SLC38A10: variants seen among roughly 807,000 people sequenced by gnomAD.
SLC38A10 encodes Sodium-coupled neutral amino acid transporter 10.
SLC38A10 carries 53 observed loss-of-function variants against 81.0 expected under a neutral mutation model. That is an observed-to-expected ratio of 0.65 (90% CI 0.53 to 0.82). SLC38A10 has a LOEUF of 0.82. Ranked by LOEUF, SLC38A10 falls within the 40% of genes least tolerant of loss-of-function variation. SLC38A10 has a pLI of 0.00. For synonymous variants in SLC38A10, 665 were observed against 655.3 expected, an observed-to-expected ratio of 1.01 and a Z score of -0.23; for missense variants, 1,471 against 1,545.0, an observed-to-expected ratio of 0.95 and a Z score of 0.80.
intron 12 of SLC38A10, 123 bp downstream of exon 12, chr17:81,252,950 T>C (rs1206336905): frequency 1.1e-5 from 14 of 1,307,926 alleles, no homozygotes; most frequent in African/African-American, 1.5e-5. Flanking sequence ...GACCAGAACT[T>C]AGGCTGGGCT....
intron 10 of SLC38A10, among the ~76,000 whole-genome samples, chr17:81,266,600 C>T (rs1277674707): frequency 7.2e-6 from 1 of 138,922 alleles, no homozygotes; most frequent in South Asian, 2.2e-4. Context: ...GCCTGGGCGA[C>T]AGAGTGAGAC....
In SLC38A10 at chr17:81,283,394, T is replaced by C. The variant is rs934184878; in HGVS notation, c.357+15A>G. ...TCAGCATCTGAACAACCCAGAACCC[T>C]GAACACATCCTTACCTGAAACCCGA... On this transcript the variant is annotated intron_variant, in intron 4 of 15. Transcript: ENST00000374759. This position sits in a 1 kb window ranked among gnomAD's most constrained non-coding sequence, Gnocchi z 4.7. 9 of 1,608,754 alleles carry C rather than the reference T, an allele frequency of 5.6e-6. No individual in the cohort carries two copies. The highest frequency in any genetic ancestry group is 3.3e-4 in the Middle Eastern group (2 of 6,052).
intron 6 of SLC38A10, chr17:81,279,973 C>T (rs754291239): frequency 7.6e-5 from 25 of 329,892 alleles, no homozygotes; most frequent in African/African-American, 1.5e-4. Context: ...TGCCCACTAA[C>T]GCTACAGGGG....
chr17:81,275,962 G>C lies in SLC38A10; in HGVS notation c.912+7C>G. On this transcript the variant is annotated splice_region_variant and intron_variant, in intron 8 of 15. Transcript: ENST00000374759. ...TTACGATCCGGAGAGTGCCCCGAGG[G>C]TCTTACCTGCTGCTCACACAGCAGC... is the stretch of plus-strand genomic sequence containing the variant. The C allele has an allele frequency of 1.9e-6, 3 of 1,612,720 alleles. No individual in the cohort carries two copies. The highest frequency in any genetic ancestry group is 2.5e-6 in the Non-Finnish European group (3 of 1,179,454).
Position 81,253,037 on chromosome 17 carries a change from C to G in SLC38A10, c.1456+36G>C. ...CCTGCAAAGGAGGACCCGGGGCCGC[C>G]CTTCCCCATCCGCACCCCCAGCCAG... On this transcript the variant is annotated intron_variant, in intron 12 of 15. Coordinates refer to ENST00000374759, the MANE Select transcript of SLC38A10 (RefSeq NM_001037984.3). This position sits in a 1 kb window ranked among gnomAD's most constrained non-coding sequence, Gnocchi z 4.1. 1 of 1,602,868 alleles carries G rather than the reference C, an allele frequency of 6.2e-7. No individual in the cohort carries two copies. Among genetic ancestry groups the G allele is most frequent in the Non-Finnish European group, 8.5e-7 (1 of 1,175,556 alleles).
Position 81,289,035 on chromosome 17 carries a change from A to G in SLC38A10, c.217+656T>C, listed in dbSNP as rs868641001. The G allele has an allele frequency of 6.6e-6, 1 of 152,224 alleles. No homozygotes were observed. The highest frequency in any genetic ancestry group is 1.5e-5 in the Non-Finnish European group (1 of 68,062). The allele number at this position is 152,224 out of a possible 1,614,324, so 9.4% of individuals were successfully genotyped here. ...CACTCCAATTTTGAAGCATGTGATT[A>G]TAACAGGTTTTTCTTTTTTTTTCCA... On this transcript the variant is annotated intron_variant, in intron 2 of 15. Transcript: ENST00000374759. The surrounding 1 kb of genome is among the most constrained non-coding windows in gnomAD (Gnocchi z 5.9).
At chr17:81,255,726 T>C (rs1212957780) in intron 11 of SLC38A10, among the ~76,000 whole-genome samples, 4 of 152,216 alleles carry the variant, frequency 2.6e-5, no homozygotes, top group African/African-American at 9.6e-5. Context: ...CCAGGCATGA[T>C]GGCTCACTCC....
chr17:81,275,008 T>C (rs1463276969), intron 8 of SLC38A10, among the ~76,000 whole-genome samples: 1 of 152,142 alleles, frequency 6.6e-6, no homozygotes, highest in African/African-American at 2.4e-5. Flanking sequence ...TTGGTTCAAG[T>C]GATCCTCCTG....
At chr17:81,294,746 T>A in intron 1 of SLC38A10, 77 bp downstream of exon 1, 1 of 1,375,034 alleles carries the variant, frequency 7.3e-7, no homozygotes, top group African/African-American at 1.5e-5. Flanking sequence ...GGCGGGAACT[T>A]TAACCAGGAC....
Position 81,260,271 on chromosome 17 carries a change from C to G in SLC38A10, c.1255G>C (p.Gly419Arg). 1.2e-6 allele frequency: 2 copies of G among 1,605,764 alleles called. No individual in the cohort carries two copies. The highest frequency in any genetic ancestry group is 1.7e-6 in the Non-Finnish European group (2 of 1,177,234). The change falls in exon 11 of 16, where the codon GGT becomes CGT. Residue 419 changes from glycine to arginine, a missense_variant. Physicochemically the swap from Gly to Arg is moderately radical, Grantham distance 125. Transcript: ENST00000374759. Reference sequence around the variant, plus strand: ...CGCGCTGCCTCCACCTTCATCAAACCCTCGGCCTCTCCAAGCCGGCCGCCA... The same window carrying G: ...CGCGCTGCCTCCACCTTCATCAAACGCTCGGCCTCTCCAAGCCGGCCGCCA... ...APGGRLGEAE[G>R]LMKVEAARLS...
Position 81,276,198 on chromosome 17 carries a change from C to G in SLC38A10, c.730-47G>C. The G allele has an allele frequency of 6.6e-7, 1 of 1,523,130 alleles. No individual in the cohort carries two copies. Among genetic ancestry groups the G allele is most frequent in the East Asian group, 2.4e-5 (1 of 41,330 alleles). 94.4% of individuals were successfully genotyped at this position (1,523,130 alleles called of 1,614,324 possible). ...CAACGTGGCAGACAGACATCCTAGC[C>G]GAGTGGCACCTGTCACAGTGGGCAG... On this transcript the variant is annotated intron_variant, in intron 7 of 15. Coordinates refer to ENST00000374759, the MANE Select transcript of SLC38A10 (RefSeq NM_001037984.3). This position sits in a 1 kb window ranked among gnomAD's most constrained non-coding sequence, Gnocchi z 4.7.
intron 14 of SLC38A10, chr17:81,247,676 A>AC (rs1365839378): frequency 6.6e-6 from 1 of 151,556 alleles, no homozygotes; most frequent in Non-Finnish European, 1.5e-5. Flanking sequence ...AAACAAAAAA[A>AC]ACAAAAAAAT....
rs1378009645 is a variant in SLC38A10, at chr17:81,252,549, C to A, written c.1591G>T (p.Ala531Ser). 2 of 1,613,296 alleles carry A rather than the reference C, an allele frequency of 1.2e-6. No individual in the cohort carries two copies. Among genetic ancestry groups the A allele is most frequent in the Non-Finnish European group, 1.7e-6 (2 of 1,180,038 alleles). Reference sequence around the variant, plus strand: ...GCCATCTGGCCCTGGACCCCTGGAGCCTTTCCGCCCGCGTGTCTGGATGGA... The same window carrying A: ...GCCATCTGGCCCTGGACCCCTGGAGACTTTCCGCCCGCGTGTCTGGATGGA... Reference protein sequence around the residue: ...KPPSRHAGGKAPGVQGQMAPP... With the variant: ...KPPSRHAGGKSPGVQGQMAPP... The change falls in exon 13 of 16, where the codon GCT becomes TCT. Residue 531 changes from alanine to serine, a missense_variant. Physicochemically the swap from Ala to Ser is moderately conservative, Grantham distance 99. Coordinates refer to ENST00000374759, the MANE Select transcript of SLC38A10 (RefSeq NM_001037984.3).
intron 5 of SLC38A10, 61 bp downstream of exon 5, chr17:81,282,128 A>G: frequency 6.2e-7 from 1 of 1,602,158 alleles, no homozygotes; most frequent in Non-Finnish European, 8.5e-7. Context: ...TGCTGTGGCC[A>G]CAGGAAAGAA....
At chr17:81,263,346 C>T (rs2063040685) in intron 10 of SLC38A10, 1 of 152,452 alleles carries the variant, frequency 6.6e-6, no homozygotes, top group East Asian at 1.9e-4. Context: ...CCTGCTGCCA[C>T]CTCCTACCCC....
Position 81,246,542 on chromosome 17 carries a change from G to C in SLC38A10, c.2374C>G (p.Pro792Ala). ...TGGTTAAGGTCCTGGGATGGAGCAG[G>C]GCGGCCCCCAGGAGCTCTGAGGACA... is the stretch of plus-strand genomic sequence containing the variant. ...DPVLRAPGGRPAPSQDLNQRS... is the reference protein window; with the variant it reads ...DPVLRAPGGRAAPSQDLNQRS... Residue 792 changes from proline to alanine, a missense_variant, in exon 16 of 16, where the codon CCT becomes GCT. Pro to Ala is a conservative substitution (Grantham distance 27). This residue lies in a region of SLC38A10 where 751 missense variants were observed against 717.4 expected (regional missense o/e 1.05). Transcript: ENST00000374759. The C allele has an allele frequency of 2.0e-6, 3 of 1,519,498 alleles. No homozygotes were observed. Among genetic ancestry groups the C allele is most frequent in the South Asian group, 1.3e-5 (1 of 75,658 alleles). 94.1% of individuals were successfully genotyped at this position (1,519,498 alleles called of 1,614,324 possible). A position where few individuals can be genotyped will look rare whatever the true frequency, so the allele number is the denominator to read the frequency against.
rs1006664972 is a variant in SLC38A10, at chr17:81,245,488, C to T, written c.*68G>A. 6.7e-6 allele frequency: 10 copies of T among 1,502,042 alleles called. No individual in the cohort carries two copies. Among genetic ancestry groups the T allele is most frequent in the Admixed American group, 4.4e-5 (2 of 45,580 alleles). 93.0% of individuals were successfully genotyped at this position (1,502,042 alleles called of 1,614,324 possible). On this transcript the variant is annotated 3_prime_UTR_variant, in exon 16 of 16. Transcript: ENST00000374759. ...TGACCTCCAGAGTTTGGCTGGGATG[C>T]GGCTGAGACAGACCTGCTGCTGGCC...
intron 14 of SLC38A10, among the ~76,000 whole-genome samples, chr17:81,249,310 A>G (rs146371568): frequency 2.5e-4 from 4 of 16,112 alleles, no homozygotes; most frequent in Non-Finnish European, 4.4e-4. Flanking sequence ...GAAGAGGAGG[A>G]AGGAGGGAAG....
At chr17:81,284,132 C>A (rs997574551) in intron 3 of SLC38A10, among the ~76,000 whole-genome samples, 2 of 151,742 alleles carry the variant, frequency 1.3e-5, no homozygotes, top group South Asian at 2.1e-4. Context: ...CCGAGGCAGG[C>A]GGATCACCTG....
Sources: allele counts gnomAD v4.1 joint callset (sites outside exome capture counted in the v4.1 genomes callset), GRCh38; gene constraint gnomAD v4.1.1; regional missense constraint gnomAD v4.1.1; non-coding constraint Gnocchi (gnomAD v3.1); transcripts MANE v1.5; gene names NCBI Gene and HGNC (gene_info 2026-07-23, HGNC 2026-07-21).